ZNG1C: variants seen among roughly 807,000 people sequenced by gnomAD.
The protein encoded by ZNG1C is Zn regulated GTPase metalloprotein activator 1C.
At chr9:68,287,546 T>G in the ZNG1C span, among the ~76,000 whole-genome samples, 7 of 152,412 alleles carry the variant, frequency 4.6e-5, no homozygotes, top group East Asian at 1.2e-3. Context: ...GCCTGGAGTA[T>G]TTAAAAAAAA....
the ZNG1C span, among the ~76,000 whole-genome samples, chr9:68,272,196 G>A: frequency 1.6e-5 from 2 of 126,398 alleles, no homozygotes; most frequent in Non-Finnish European, 3.4e-5. Flanking sequence ...CACCCCCACC[G>A]AGGAGAGCCA....
At chr9:68,287,670 G>C in the ZNG1C span, among the ~76,000 whole-genome samples, 2 of 152,284 alleles carry the variant, frequency 1.3e-5, no homozygotes. Flanking sequence ...CAGACATTAT[G>C]TCACTTTACT....
At chr9:68,262,891 GA>G in the ZNG1C span, among the ~76,000 whole-genome samples, 1 of 137,198 alleles carries the variant, frequency 7.3e-6, no homozygotes, top group Non-Finnish European at 1.5e-5. Context: ...GATGAATTAT[GA>G]AAAAAATATT....
the ZNG1C span, among the ~76,000 whole-genome samples, chr9:68,292,046 T>A: frequency 2.0e-5 from 3 of 151,878 alleles, no homozygotes; most frequent in Non-Finnish European, 2.9e-5. Context: ...TGGAGCCTGG[T>A]AGACTTGCTG....
At chr9:68,281,265 C>A in the ZNG1C span, among the ~76,000 whole-genome samples, 1 of 152,278 alleles carries the variant, frequency 6.6e-6, no homozygotes, top group Non-Finnish European at 1.5e-5. Flanking sequence ...GAACCCGGTA[C>A]CTCAGATGGA....
At chr9:68,269,022 TTATTAA>T in the ZNG1C span, 1 of 597,948 alleles carries the variant, frequency 1.7e-6, no homozygotes, top group Non-Finnish European at 2.9e-6. Context: ...ATCATTTTAG[TTATTAA>T]TAATAAACAT....
At chr9:68,293,464 ATAAACT>A in the ZNG1C span, among the ~76,000 whole-genome samples, 1 of 134,210 alleles carries the variant, frequency 7.5e-6, no homozygotes, top group African/African-American at 2.8e-5. Flanking sequence ...AAGGACTCAC[ATAAACT>A]TAAGGTAAAG....
the ZNG1C span, among the ~76,000 whole-genome samples, chr9:68,261,513 G>C: frequency 6.9e-6 from 1 of 145,046 alleles, no homozygotes; most frequent in Admixed American, 6.9e-5. Flanking sequence ...AATCGAGCTA[G>C]TTAACCTATC....
At chr9:68,291,150 C>T in the ZNG1C span, among the ~76,000 whole-genome samples, 4 of 55,308 alleles carry the variant, frequency 7.2e-5, no homozygotes, top group African/African-American at 2.9e-4. Context: ...TGCCCAACAG[C>T]TCATTTCTCT....
At chr9:68,299,255 C>T in the ZNG1C span, 1 of 1,527,250 alleles carries the variant, frequency 6.5e-7, no homozygotes, top group South Asian at 1.3e-5. Flanking sequence ...TTCGTAAAAG[C>T]TTGTTAGGAC....
chr9:68,264,853 A>ATG, the ZNG1C span, among the ~76,000 whole-genome samples: 1 of 84,056 alleles, frequency 1.2e-5, no homozygotes, highest in African/African-American at 4.6e-5. Context: ...ATATATATAT[A>ATG]TATGTATAAT....
At chr9:68,247,480 G>T in the ZNG1C span, 1 of 1,590,940 alleles carries the variant, frequency 6.3e-7, no homozygotes, top group Non-Finnish European at 8.6e-7. Context: ...AAGGCTGCAT[G>T]AATAAAGTGA....
chr9:68,283,935 CT>C, the ZNG1C span, among the ~76,000 whole-genome samples: 1 of 36,594 alleles, frequency 2.7e-5, no homozygotes, highest in Non-Finnish European at 6.3e-5. Context: ...TTGGCCTTTT[CT>C]TTTTTTCATA....
chr9:68,244,559 A>G, the ZNG1C span, among the ~76,000 whole-genome samples: 1 of 134,946 alleles, frequency 7.4e-6, no homozygotes, highest in Non-Finnish European at 1.6e-5. Flanking sequence ...CTGTAATAGT[A>G]AAACACTGGA....
At chr9:68,275,210 CTCTT>C in the ZNG1C span, among the ~76,000 whole-genome samples, 1 of 96,516 alleles carries the variant, frequency 1.0e-5, no homozygotes, top group Non-Finnish European at 2.5e-5. Flanking sequence ...ATGTCTAATA[CTCTT>C]TCTATGAGAA....
chr9:68,281,258 C>A, the ZNG1C span, among the ~76,000 whole-genome samples: 1,049 of 152,194 alleles, frequency 6.9e-3, no homozygotes, highest in Non-Finnish European at 9.8e-3. Flanking sequence ...GTGAGATGAA[C>A]CCGGTACCTC....
the ZNG1C span, among the ~76,000 whole-genome samples, chr9:68,256,350 TA>T: frequency 2.7e-5 from 4 of 146,340 alleles, no homozygotes; most frequent in East Asian, 7.8e-4. Context: ...AAATTTTTCC[TA>T]AGACCCAGGT....
chr9:68,267,199 ATCTG>A, the ZNG1C span, among the ~76,000 whole-genome samples: 1 of 152,284 alleles, frequency 6.6e-6, no homozygotes, highest in African/African-American at 2.4e-5. Context: ...TAGATTTTCA[ATCTG>A]TCATCTCAGT....
chr9:68,294,415 G>C, the ZNG1C span, among the ~76,000 whole-genome samples: 27 of 60,762 alleles, frequency 4.4e-4, no homozygotes, highest in African/African-American at 1.8e-3. Flanking sequence ...CCGTTAGCAA[G>C]ATTAGCCAAG....
Sources: gnomAD v4.1 joint callset for allele counts (sites outside exome capture counted in the v4.1 genomes callset) on GRCh38, gnomAD v4.1.1 for gene constraint, MANE v1.5 for transcripts, NCBI Gene and HGNC (gene_info 2026-07-23, HGNC 2026-07-21) for gene names.